Variants in MUC17 observed in about 807,000 individuals in gnomAD.
The protein encoded by MUC17 is mucin-17.
A neutral mutation model predicts 170.3 loss-of-function variants in MUC17; 190 were observed. That is an observed-to-expected ratio of 1.12 (90% CI 0.99 to 1.26). MUC17 has a LOEUF of 1.26. Ranked by LOEUF, MUC17 falls within the 50% of genes most tolerant of loss-of-function variation. MUC17 has a pLI of 0.00. For missense variants in MUC17, 6,415 were observed against 5,530.0 expected (o/e 1.16, Z -5.08); for synonymous variants, 2,325 against 2,002.5 (o/e 1.16, Z -4.30).
At chr7:101,026,660 C>T (rs1175612447) in intron 1 of MUC17, among the ~76,000 whole-genome samples, 1 of 152,126 alleles carries the variant, frequency 6.6e-6, no homozygotes, top group African/African-American at 2.4e-5. Context: ...TCATAGCTCA[C>T]TGCAGCCTTG....
rs1428227196 is a variant in MUC17, at chr7:101,039,463, C to A, written c.8047C>A (p.Pro2683Thr). Residue 2683 changes from proline to threonine, a missense_variant, in exon 3 of 13, where the codon CCA becomes ACA. Transcript: ENST00000306151. Reference sequence around the variant, plus strand: ...TACAACTGCTGAAGGTAGCAGCATGCCAACCTCAACTCCTGGTGAAAGAAG... The same window carrying A: ...TACAACTGCTGAAGGTAGCAGCATGACAACCTCAACTCCTGGTGAAAGAAG... ...SPTTAEGSSMPTSTPGERSTP... is the reference protein window; with the variant it reads ...SPTTAEGSSMTTSTPGERSTP... 3 of 1,611,510 alleles carry A rather than the reference C, an allele frequency of 1.9e-6. 1 individual carries two copies. The highest frequency in any genetic ancestry group is 1.1e-5 in the South Asian group (1 of 90,746).
chr7:101,039,006 T>G lies in MUC17; in HGVS notation c.7590T>G (p.Pro2530=). The G allele has an allele frequency of 1.2e-6, 2 of 1,614,142 alleles. No individual in the cohort carries two copies. The highest frequency in any genetic ancestry group is 1.7e-6 in the Non-Finnish European group (2 of 1,180,020). ...IPVSTTPVAS[P]EASTLSTTPV... ...TCAGCACCACGCCAGTGGCCAGTCC[T>G]GAGGCTAGCACCCTTTCAACAACTC... The change falls in exon 3 of 13, where the codon CCT becomes CCG. Residue 2530 remains proline (P), a synonymous_variant. Transcript: ENST00000306151.
rs770465358 is a variant in MUC17, at chr7:101,040,757, C to T, written c.9341C>T (p.Thr3114Ile). The change falls in exon 3 of 13, where the codon ACC (threonine) becomes ATC (isoleucine). Residue 3114 changes from threonine to isoleucine, a missense_variant. Thr to Ile is a moderately conservative substitution (Grantham distance 89). Coordinates refer to ENST00000306151, the MANE Select transcript of MUC17 (RefSeq NM_001040105.2). ...CCATTAACAGGTGTGCCTGTCAGCA[C>T]CACACCGGTGACCAGTTCTGCAATC... is the stretch of plus-strand genomic sequence containing the variant. The part of the protein sequence containing the change: ...STPLTGVPVS[T>I]TPVTSSAIST... The T allele has an allele frequency of 1.9e-6, 3 of 1,613,376 alleles. No homozygotes were observed. Among genetic ancestry groups the T allele is most frequent in the Non-Finnish European group, 2.5e-6 (3 of 1,179,752 alleles).
chr7:101,045,099 A>G (rs1409812805), intron 3 of MUC17, among the ~76,000 whole-genome samples: 4 of 152,340 alleles, frequency 2.6e-5, no homozygotes, highest in East Asian at 1.9e-4. Context: ...ATTTTATTAT[A>G]TGAATCATGT....
chr7:101,044,993 T>C (rs886848428), intron 3 of MUC17, among the ~76,000 whole-genome samples: 1 of 152,202 alleles, frequency 6.6e-6, no homozygotes, highest in Non-Finnish European at 1.5e-5. Context: ...TGTATCCCCT[T>C]CCTTTCTCTG....
rs1795085166 is a variant in MUC17 at position 101,058,283 on chromosome 7, T to G, written c.*239T>G. ...TATCAGGCTAGGCTTTCCTGCTCAT[T>G]TTTCAAAGACGCTCCAGATTTGAGG... On this transcript the variant is annotated 3_prime_UTR_variant, in exon 13 of 13. Transcript: ENST00000306151. 2 of 367,966 alleles carry G rather than the reference T, an allele frequency of 5.4e-6. No individual in the cohort carries two copies. The highest frequency in any genetic ancestry group is 8.6e-5 in the Admixed American group (2 of 23,256). The allele number at this position is 367,966 out of a possible 1,614,324, so 22.8% of individuals were successfully genotyped here.
rs1427438888 is a variant in MUC17, at chr7:101,037,226, C to G, written c.5810C>G (p.Thr1937Arg). Reference sequence around the variant, plus strand: ...ACAAGTATACCTGTCAGCACCACAACAGTGGCCAGTTCTGAAATCAACACC... The same window carrying G: ...ACAAGTATACCTGTCAGCACCACAAGAGTGGCCAGTTCTGAAATCAACACC... ...PLTSIPVSTT[T>R]VASSEINTLS... Residue 1937 changes from threonine to arginine, a missense_variant, in exon 3 of 13, where the codon ACA (threonine) becomes AGA (arginine). By Grantham distance (71) the Thr-to-Arg change is moderately conservative. Coordinates refer to ENST00000306151, the MANE Select transcript of MUC17 (RefSeq NM_001040105.2). 2.5e-6 allele frequency: 4 copies of G among 1,611,404 alleles called. No individual in the cohort carries two copies. The highest frequency in any genetic ancestry group is 3.3e-5 in the Admixed American group (2 of 59,906).
intron 1 of MUC17, among the ~76,000 whole-genome samples, chr7:101,027,803 A>T (rs1318163003): frequency 6.6e-6 from 1 of 151,758 alleles, no homozygotes; most frequent in African/African-American, 2.4e-5. Context: ...AGAGGATTTC[A>T]TTCCATTGTC....
chr7:101,041,823 G>A lies in MUC17; in HGVS notation c.10407G>A (p.Pro3469=), dbSNP rs149519380. ...CAATTATGCCTCTCAGTACCACGCC[G>A]GTGGCCAGTTCTGAGGCTAGCACCC... ...PLSIMPLSTT[P]VASSEASTLS... Residue 3469 remains proline (P), a synonymous_variant, in exon 3 of 13, where the codon CCG becomes CCA. Coordinates refer to ENST00000306151, the MANE Select transcript of MUC17 (RefSeq NM_001040105.2). 8.0e-4 allele frequency: 1,290 copies of A among 1,609,628 alleles called. 10 individuals carry two copies. In the African/African-American group the frequency reaches 0.015, roughly 19 times the overall value.
At position 101,042,195 on chromosome 7, in the gene MUC17, T is replaced by C. The variant is rs1436208459; in HGVS notation, c.10779T>C (p.Ala3593=). The change falls in exon 3 of 13, where the codon GCT becomes GCC. Residue 3593 remains alanine (A), a synonymous_variant. Transcript: ENST00000306151. The part of the protein sequence containing the change: ...LSSTYVTSSE[A]STPSTPSVDR... ...GCACATATGTGACCAGTTCTGAGGC[T>C]AGCACACCTTCCACTCCTTCTGTTG... is the stretch of plus-strand genomic sequence containing the variant. 4 of 1,614,220 alleles carry C rather than the reference T, an allele frequency of 2.5e-6. No homozygotes were observed. In the African/African-American group the frequency reaches 4.0e-5, roughly 16 times the overall value.
In MUC17 at chr7:101,043,721, C is replaced by T; in HGVS notation, c.12305C>T (p.Thr4102Ile). The change falls in exon 3 of 13, where the codon ACC (threonine) becomes ATC (isoleucine). Residue 4102 changes from threonine (T) to isoleucine (I), a missense_variant. Coordinates refer to ENST00000306151, the MANE Select transcript of MUC17 (RefSeq NM_001040105.2). Reference sequence around the variant, plus strand: ...ACCAGGACAAAACCCAGCACACGGACCACTTCCTTCCCCACGGTGACCACC... The same window carrying T: ...ACCAGGACAAAACCCAGCACACGGATCACTTCCTTCCCCACGGTGACCACC... ...MTTRTKPSTR[T>I]TSFPTVTTTA... 2 of 1,614,184 alleles carry T rather than the reference C, an allele frequency of 1.2e-6. No homozygotes were observed.
Position 101,053,126 on chromosome 7 carries a change from G to T in MUC17, c.13244G>T (p.Arg4415Leu). 3.1e-6 allele frequency: 5 copies of T among 1,613,846 alleles called. No homozygotes were observed. The highest frequency in any genetic ancestry group is 1.1e-5 in the South Asian group (1 of 91,044). Residue 4415 changes from arginine to leucine, a missense_variant, in exon 10 of 13, where the codon CGC (arginine) becomes CTC (leucine). Transcript: ENST00000306151. ...ILVALLMLVFRSKREVKRQKY... is the reference protein window; with the variant it reads ...ILVALLMLVFLSKREVKRQKY... ...GTAGCTCTCCTGATGCTCGTTTTCCGCTCCAAGAGAGAGGTGAAACGGTGA... is the reference window on the plus strand; with the variant it reads ...GTAGCTCTCCTGATGCTCGTTTTCCTCTCCAAGAGAGAGGTGAAACGGTGA...
rs772410369 is a variant in MUC17 at position 101,036,291 on chromosome 7, TC to T, written c.4877del (p.Pro1626LeufsTer8). 1.5e-4 allele frequency: 237 copies of T among 1,612,166 alleles called. No individual in the cohort carries two copies. The highest frequency in any genetic ancestry group is 2.0e-4 in the Non-Finnish European group (232 of 1,179,570). On this transcript the variant is annotated frameshift_variant, in exon 3 of 13. Coordinates refer to ENST00000306151, the MANE Select transcript of MUC17 (RefSeq NM_001040105.2). LOFTEE classifies it high-confidence loss of function. ...AEGSSMTIST[P>X]SEGSPLLTSI... ...AAGGTAGCAGCATGACAATCTCAAC[TC>T]CTAGTGAAGGAAGTCCTCTATTAAC... is the stretch of plus-strand genomic sequence containing the variant.
At chr7:101,045,890 G>A (rs539469411) in intron 3 of MUC17, among the ~76,000 whole-genome samples, 29 of 152,240 alleles carry the variant, frequency 1.9e-4, no homozygotes, top group Admixed American at 5.2e-4. Flanking sequence ...ATCTGGTGTC[G>A]GTCACATCTT....
Position 101,051,634 on chromosome 7 carries a change from C to G in MUC17, c.12896C>G (p.Thr4299Ser). The part of the protein sequence containing the change: ...ICSDMMCFNT[T>S]GTQVQNITVT... ...ACAGACATGATGTGTTTCAACACCACTGGCACCCAAGTGCAAAACATTACG... is the reference window on the plus strand; with the variant it reads ...ACAGACATGATGTGTTTCAACACCAGTGGCACCCAAGTGCAAAACATTACG... Residue 4299 changes from threonine (T) to serine (S), a missense_variant, in exon 8 of 13, where the codon ACT (threonine) becomes AGT (serine). By Grantham distance (58) the Thr-to-Ser change is moderately conservative. Coordinates refer to ENST00000306151, the MANE Select transcript of MUC17 (RefSeq NM_001040105.2). The G allele has an allele frequency of 6.2e-7, 1 of 1,612,900 alleles. No homozygotes were observed. The highest frequency in any genetic ancestry group is 1.3e-5 in the African/African-American group (1 of 74,954).
At position 101,048,909 on chromosome 7, in the gene MUC17, C is replaced by CACAGTGACCAGTGT. The variant is rs745394557; in HGVS notation, c.12600_12601insACAGTGACCAGTGT (p.Glu4201ThrfsTer8). 5.6e-6 allele frequency: 9 copies of CACAGTGACCAGTGT among 1,613,952 alleles called. No individual in the cohort carries two copies. The South Asian group carries it at 7.7e-5, about 14-fold the overall frequency. On this transcript the variant is annotated frameshift_variant, in exon 5 of 13. Coordinates refer to ENST00000306151, the MANE Select transcript of MUC17 (RefSeq NM_001040105.2). LOFTEE classifies it high-confidence loss of function. ...TGACAGTGACCAGTGTGAAGTTCAC[C>CACAGTGACCAGTGT]GAAGAGCTAAAAAACCACTCTTCCC...
At position 101,043,518 on chromosome 7, in the gene MUC17, T is replaced by C; in HGVS notation, c.12102T>C (p.Pro4034=). ...CAACGCTTTCTGCAACCAGTACACC[T>C]CACACCTCTACTTCTGTCACCACCC... ...SASTLSATST[P]HTSTSVTTRP... is the part of the protein sequence containing the mutation. Residue 4034 remains proline, a synonymous_variant, in exon 3 of 13, where the codon CCT becomes CCC. Transcript: ENST00000306151. 6.2e-7 allele frequency: 1 copy of C among 1,614,076 alleles called. No homozygotes were observed. Among genetic ancestry groups the C allele is most frequent in the Non-Finnish European group, 8.5e-7 (1 of 1,180,012 alleles).
Position 101,037,239 on chromosome 7 carries a change from T to G in MUC17, c.5823T>G (p.Ser1941=), listed in dbSNP as rs1794515958. 1.2e-6 allele frequency: 2 copies of G among 1,611,180 alleles called. No homozygotes were observed. Among genetic ancestry groups the G allele is most frequent in the Non-Finnish European group, 8.5e-7 (1 of 1,178,222 alleles). ...TCAGCACCACAACAGTGGCCAGTTCTGAAATCAACACCCTTTCAACAACTC... is the reference window on the plus strand; with the variant it reads ...TCAGCACCACAACAGTGGCCAGTTCGGAAATCAACACCCTTTCAACAACTC... ...IPVSTTTVAS[S]EINTLSTTLA... is the part of the protein sequence containing the mutation. The change falls in exon 3 of 13, where the codon TCT becomes TCG. Residue 1941 remains serine (S), a synonymous_variant. Transcript: ENST00000306151.
At chr7:101,049,185 T>C (rs999386512) in intron 5 of MUC17, 139 bp from the exon 6 acceptor site, 2 of 1,444,116 alleles carry the variant, frequency 1.4e-6, no homozygotes, top group Admixed American at 3.5e-5. Context: ...AGCAGGTCTC[T>C]GGAAAGAAAC....
Sources: gnomAD v4.1 joint callset for allele counts (sites outside exome capture counted in the v4.1 genomes callset) on GRCh38, gnomAD v4.1.1 for gene constraint, MANE v1.5 for transcripts, NCBI Gene and HGNC (gene_info 2026-07-23, HGNC 2026-07-21) for gene names.